The following TMEM117 variants were observed in gnomAD, a reference collection of about 807,000 sequenced individuals.
TMEM117 encodes the protein transmembrane protein 117.
In TMEM117, 27 loss-of-function variants were observed where a neutral mutation model predicts 52.4. That is an observed-to-expected ratio of 0.51 (90% confidence interval 0.38 to 0.71). TMEM117 has a LOEUF of 0.71. TMEM117 is among the 30% of genes least tolerant of loss of function. The pLI, the probability that TMEM117 is intolerant of heterozygous loss-of-function variation, is 0.00. For synonymous variants in TMEM117, 215 were observed against 206.3 expected (o/e 1.04, Z -0.36); for missense variants, 556 against 630.5 (o/e 0.88, Z 1.26).
chr12:43,798,642 T>C, the TMEM117 span: 1 of 1,355,992 alleles, frequency 7.4e-7, no homozygotes, highest in Non-Finnish European at 9.9e-7. Flanking sequence ...AAAAATCACA[T>C]AAAAAGCCCT....
chr12:43,840,974 G>C (rs1237558962), intron 1 of TMEM117, among the ~76,000 whole-genome samples: 1 of 152,102 alleles, frequency 6.6e-6, no homozygotes. Context: ...GATAATATTG[G>C]GGTACCTAAG....
chr12:44,180,227 A>C (rs1252347930), intron 4 of TMEM117, among the ~76,000 whole-genome samples: 1 of 151,980 alleles, frequency 6.6e-6, no homozygotes, highest in Non-Finnish European at 1.5e-5. Flanking sequence ...CATCACCATC[A>C]TCATCATCAT....
At chr12:43,865,786 C>A (rs1349089266) in intron 2 of TMEM117, among the ~76,000 whole-genome samples, 1 of 151,346 alleles carries the variant, frequency 6.6e-6, no homozygotes, top group African/African-American at 2.4e-5. Flanking sequence ...AAGTGATTAG[C>A]CAGTAATTTT....
chr12:44,159,034 A>C (rs1005116883), intron 4 of TMEM117, among the ~76,000 whole-genome samples: 1 of 152,150 alleles, frequency 6.6e-6, no homozygotes, highest in Non-Finnish European at 1.5e-5. Flanking sequence ...TAGTGCTGGG[A>C]GGAAGAAATC....
chr12:43,997,971 T>C (rs2137769143), intron 3 of TMEM117, among the ~76,000 whole-genome samples: 1 of 152,336 alleles, frequency 6.6e-6, no homozygotes, highest in East Asian at 1.9e-4. Flanking sequence ...TTATGCCAGA[T>C]TCTGTGATAG....
chr12:44,268,784 C>T (rs1235935076), intron 5 of TMEM117, among the ~76,000 whole-genome samples: 1 of 151,986 alleles, frequency 6.6e-6, no homozygotes, highest in Non-Finnish European at 1.5e-5. Context: ...GAAATTGGCC[C>T]ATAGTCTTCC....
downstream of TMEM117, among the ~76,000 whole-genome samples, chr12:44,393,545 A>G (rs1952170266): frequency 6.9e-6 from 1 of 143,952 alleles, no homozygotes; most frequent in Admixed American, 6.7e-5. Flanking sequence ...GAGGACTGAA[A>G]GCTAGCCAAA....
chr12:44,382,635 A>G (rs893518021), intron 7 of TMEM117, among the ~76,000 whole-genome samples: 6 of 152,170 alleles, frequency 3.9e-5, no homozygotes, highest in African/African-American at 1.2e-4. Flanking sequence ...TCTTCTTTCT[A>G]TGCTTATGAT....
chr12:44,169,354 TTTTC>T (rs1406302535), intron 4 of TMEM117, among the ~76,000 whole-genome samples: 10 of 152,240 alleles, frequency 6.6e-5, no homozygotes, highest in Non-Finnish European at 1.2e-4. Flanking sequence ...CCAACAGTTA[TTTTC>T]TTTCTTTCTT....
chr12:44,343,441 C>T (rs1951444020), intron 6 of TMEM117, among the ~76,000 whole-genome samples: 1 of 151,996 alleles, frequency 6.6e-6, no homozygotes, highest in Admixed American at 6.6e-5. Context: ...AAATTTACAT[C>T]AAAAGTTAAA....
intron 3 of TMEM117, among the ~76,000 whole-genome samples, chr12:44,119,398 A>G (rs1038644119): frequency 2.0e-5 from 3 of 152,222 alleles, no homozygotes; most frequent in African/African-American, 7.2e-5. Context: ...GAATGAGATT[A>G]TTAATCTAGT....
intron 5 of TMEM117, among the ~76,000 whole-genome samples, chr12:44,253,215 T>C (rs1162623391): frequency 1.3e-5 from 2 of 152,220 alleles, no homozygotes; most frequent in African/African-American, 4.8e-5. Context: ...AGGGAGCACA[T>C]ATTTAACCTG....
At position 43,951,208 on chromosome 12, in the gene TMEM117, A is replaced by G. The variant is rs545517785; in HGVS notation, c.410+6866A>G. Reference sequence around the variant, plus strand: ...CACCAGGGCCCTGGGTCTCAAGCACAAAACTGGGTGGCTGTTCAGGCAGGC... The same window carrying G: ...CACCAGGGCCCTGGGTCTCAAGCACGAAACTGGGTGGCTGTTCAGGCAGGC... On this transcript the variant is annotated intron_variant, in intron 3 of 7. Transcript: ENST00000266534. Among the ~76,000 whole-genome samples, 7 of 152,328 alleles carry G rather than the reference A, an allele frequency of 4.6e-5. No homozygotes were observed. In the South Asian group the frequency reaches 1.2e-3, roughly 27 times the overall value.
chr12:44,063,984 T>G (rs1043200203), intron 3 of TMEM117, among the ~76,000 whole-genome samples: 1 of 152,042 alleles, frequency 6.6e-6, no homozygotes, highest in African/African-American at 2.4e-5. Context: ...CCTCTTCCAG[T>G]ATTAGGGAGA....
chr12:44,077,797 C>CAA (rs34655420), intron 3 of TMEM117, among the ~76,000 whole-genome samples: 23,138 of 152,062 alleles, frequency 0.15, 2,209 homozygotes, highest in African/African-American at 0.27. Context: ...TCAAACCAAA[C>CAA]AGGATTCCAA....
At chr12:43,957,363 C>T (rs578118414) in intron 3 of TMEM117, among the ~76,000 whole-genome samples, 81 of 152,144 alleles carry the variant, frequency 5.3e-4, no homozygotes, top group African/African-American at 1.9e-3. Flanking sequence ...AGCTAGGCAA[C>T]CAACTATATT....
chr12:44,010,070 G>T (rs1485299122), intron 3 of TMEM117: 3 of 425,380 alleles, frequency 7.1e-6, no homozygotes, highest in South Asian at 5.3e-5. Flanking sequence ...CTCTCTCACA[G>T]ACCCATTAGT....
chr12:44,358,504 T>G (rs892502579), intron 6 of TMEM117, among the ~76,000 whole-genome samples: 2 of 152,120 alleles, frequency 1.3e-5, no homozygotes, highest in African/African-American at 4.8e-5. Context: ...AGAGATTGTG[T>G]TATTCTTCAT....
chr12:43,869,231 A>T (rs1324424892), intron 2 of TMEM117, among the ~76,000 whole-genome samples: 1 of 147,172 alleles, frequency 6.8e-6, no homozygotes, highest in African/African-American at 2.7e-5. Flanking sequence ...TCTTGGCATA[A>T]ATGGTTCCCT....
Sources: allele counts gnomAD v4.1 joint callset (sites outside exome capture counted in the v4.1 genomes callset), GRCh38; gene constraint gnomAD v4.1.1; transcripts MANE v1.5; gene names NCBI Gene and HGNC (gene_info 2026-07-23, HGNC 2026-07-21).